Variants in SEC24D observed in about 807,000 individuals in gnomAD.
SEC24D encodes the protein SEC24 homolog D, COPII component.
In SEC24D, 69 loss-of-function variants were observed where a neutral mutation model predicts 116.9. The observed-to-expected ratio is 0.59, with a 90% CI of 0.49 to 0.72. The LOEUF (loss-of-function observed/expected upper bound fraction) is 0.72. SEC24D is among the 30% of genes least tolerant of loss of function. The pLI, the probability that SEC24D is intolerant of heterozygous loss-of-function variation, is 0.00. For synonymous variants in SEC24D, 405 were observed against 442.8 expected, an observed-to-expected ratio of 0.91 and a Z score of 1.07; for missense variants, 1,131 against 1,264.1, an observed-to-expected ratio of 0.89 and a Z score of 1.60.
chr4:118,725,702 CAG>C (rs1725373940), intron 22 of SEC24D, among the ~76,000 whole-genome samples: 1 of 151,740 alleles, frequency 6.6e-6, no homozygotes, highest in Non-Finnish European at 1.5e-5. Flanking sequence ...GTAAGTAGAA[CAG>C]GGAATGAATG....
chr4:118,743,815 G>C (rs1322192602), intron 15 of SEC24D, among the ~76,000 whole-genome samples, 173 bp downstream of exon 15: 3 of 152,212 alleles, frequency 2.0e-5, no homozygotes, highest in Non-Finnish European at 4.4e-5. Flanking sequence ...TTGAAGCCAA[G>C]ATGCAGAACT....
intron 6 of SEC24D, among the ~76,000 whole-genome samples, chr4:118,808,840 G>A (rs969336102): frequency 6.6e-6 from 1 of 152,196 alleles, no homozygotes; most frequent in African/African-American, 2.4e-5. Flanking sequence ...GAGAAAAAAA[G>A]AAAGTGATTA....
chr4:118,815,103 G>A lies in SEC24D; in HGVS notation c.726C>T (p.Phe242=), dbSNP rs529522834. The A allele has an allele frequency of 1.6e-5, 26 of 1,614,092 alleles. No homozygotes were observed. The highest frequency in any genetic ancestry group is 4.0e-5 in the African/African-American group (3 of 75,050). ...CAGCCATCTGTGCAGGACCTCCAGG[G>A]AAGCCTCCTGGGTAAGACAGTTGTG... The part of the protein sequence containing the change: ...AGAQLSYPGG[F]PGGPAQMAGP... Residue 242 remains phenylalanine, a synonymous_variant, in exon 6 of 23, where the codon TTC becomes TTT. Coordinates refer to ENST00000280551, the MANE Select transcript of SEC24D (RefSeq NM_014822.4).
At chr4:118,752,651 C>T in intron 12 of SEC24D, 46 bp downstream of exon 12, 1 of 1,415,460 alleles carries the variant, frequency 7.1e-7, no homozygotes, top group Non-Finnish European at 9.7e-7. Flanking sequence ...CAATTAAAGA[C>T]AAAACACCTG....
At position 118,723,585 on chromosome 4, in the gene SEC24D, AGTCCTTT is replaced by A; in HGVS notation, c.3022_3028del (p.Lys1008PhefsTer25). 6.2e-7 allele frequency: 1 copy of A among 1,614,010 alleles called. No individual in the cohort carries two copies. The highest frequency in any genetic ancestry group is 1.1e-5 in the South Asian group (1 of 91,072). On this transcript the variant is annotated frameshift_variant, in exon 23 of 23. Coordinates refer to ENST00000280551, the MANE Select transcript of SEC24D (RefSeq NM_014822.4). LOFTEE classifies it high-confidence loss of function. ...ATCCACATAAGAAGAGCCTCCGTAA[AGTCCTTT>A]GTCTTCTACCAGGAACTGTCGGAAA...
intron 15 of SEC24D, among the ~76,000 whole-genome samples, chr4:118,742,272 T>C (rs1285448446): frequency 4.0e-5 from 6 of 151,844 alleles, no homozygotes; most frequent in Non-Finnish European, 5.9e-5. Context: ...GTCACTACCA[T>C]GTAGATGATC....
chr4:118,770,290 G>C (rs1408723506), intron 8 of SEC24D, among the ~76,000 whole-genome samples: 1 of 152,148 alleles, frequency 6.6e-6, no homozygotes, highest in African/African-American at 2.4e-5. Flanking sequence ...GCTGGTAATA[G>C]GAAGAAATTA....
At chr4:118,821,493 G>C (rs1730401740) in intron 3 of SEC24D, among the ~76,000 whole-genome samples, 1 of 151,886 alleles carries the variant, frequency 6.6e-6, no homozygotes, top group African/African-American at 2.4e-5. Context: ...AAATCAAAAA[G>C]ACAAATAACT....
At position 118,723,425 on chromosome 4, in the gene SEC24D, C is replaced by T; in HGVS notation, c.*90G>A. On this transcript the variant is annotated 3_prime_UTR_variant, in exon 23 of 23. Coordinates refer to ENST00000280551, the MANE Select transcript of SEC24D (RefSeq NM_014822.4). ...GTTATTCTGAAAATGAGCAAGAAATCAAAACTAGCCTATTATCATCTAGAA... is the reference window on the plus strand; with the variant it reads ...GTTATTCTGAAAATGAGCAAGAAATTAAAACTAGCCTATTATCATCTAGAA... The T allele has an allele frequency of 7.5e-7, 1 of 1,329,818 alleles. No homozygotes were observed. Among genetic ancestry groups the T allele is most frequent in the Non-Finnish European group, 1.0e-6 (1 of 968,270 alleles). The allele number at this position is 1,329,818 out of a possible 1,614,324, so 82.4% of individuals were successfully genotyped here.
intron 10 of SEC24D, chr4:118,760,716 T>A (rs13109368): frequency 0.29 from 43,752 of 151,612 alleles, 7,076 homozygotes; most frequent in Non-Finnish European, 0.37. Context: ...TCAATTTTTT[T>A]TTTGTTTGTT....
chr4:118,797,235 C>A (rs1472371413), intron 8 of SEC24D, among the ~76,000 whole-genome samples: 1 of 152,164 alleles, frequency 6.6e-6, no homozygotes, highest in Non-Finnish European at 1.5e-5. Flanking sequence ...ACTTTCTAAT[C>A]TTTAAGTAGG....
At chr4:118,770,587 C>G (rs74790241) in intron 8 of SEC24D, among the ~76,000 whole-genome samples, 1 of 152,128 alleles carries the variant, frequency 6.6e-6, no homozygotes, top group East Asian at 1.9e-4. Flanking sequence ...CTTTTATTTT[C>G]AAAAAGTCCA....
rs70944808 is a variant in SEC24D at position 118,736,021 on chromosome 4, C to CTTTTTTTTTTTTTTTTTTTT, written c.2496+2220_2496+2239dup. On this transcript the variant is annotated intron_variant, in intron 19 of 22. Transcript: ENST00000280551. The stretch of plus-strand genomic sequence containing the variant: ...ATTTATCTTGTTTCTAGTTATATGT[C>CTTTTTTTTTTTTTTTTTTTT]TTTTTTTTTTTTTTTTTTTTTTTGC... The CTTTTTTTTTTTTTTTTTTTT allele has an allele frequency of 4.1e-5, 3 of 72,816 alleles. 1 individual carries two copies. The highest frequency in any genetic ancestry group is 5.2e-5 in the Non-Finnish European group (2 of 38,438). 4.5% of individuals were successfully genotyped at this position (72,816 alleles called of 1,614,324 possible).
intron 8 of SEC24D, among the ~76,000 whole-genome samples, chr4:118,784,334 T>C (rs1463678116): frequency 6.6e-6 from 1 of 152,200 alleles, no homozygotes; most frequent in African/African-American, 2.4e-5. Flanking sequence ...TAAAAGTTGA[T>C]AAATATGAAA....
chr4:118,764,279 A>G (rs557327864), intron 10 of SEC24D: 1 of 152,362 alleles, frequency 6.6e-6, no homozygotes, highest in African/African-American at 2.4e-5. Flanking sequence ...GGCGTGTCTC[A>G]TGGTGACATT....
At chr4:118,801,340 A>C (rs1479103325) in intron 7 of SEC24D, among the ~76,000 whole-genome samples, 3 of 152,188 alleles carry the variant, frequency 2.0e-5, no homozygotes, top group Non-Finnish European at 4.4e-5. Context: ...CAGTCTGCCC[A>C]AAGTTAGATA....
In SEC24D at chr4:118,815,056, T is replaced by C. The variant is rs1388895150; in HGVS notation, c.773A>G (p.Lys258Arg). Residue 258 changes from lysine (K) to arginine (R), a missense_variant, in exon 6 of 23, where the codon AAG becomes AGG. Physicochemically the swap from Lys to Arg is conservative, Grantham distance 26. Coordinates refer to ENST00000280551, the MANE Select transcript of SEC24D (RefSeq NM_014822.4). ...QMAGPPQPQK[K>R]LDPDSIPSPI... ...GCTAGGGATAGAGTCAGGATCCAGC[T>C]TCTTCTGGGGCTGTGGCGGACCAGC... The C allele has an allele frequency of 6.2e-7, 1 of 1,614,056 alleles. No homozygotes were observed. The highest frequency in any genetic ancestry group is 8.5e-7 in the Non-Finnish European group (1 of 1,180,024).
chr4:118,741,662 T>G (rs546106515), intron 15 of SEC24D, among the ~76,000 whole-genome samples: 2 of 152,286 alleles, frequency 1.3e-5, no homozygotes, highest in Admixed American at 6.5e-5. Context: ...TAGGAAATTC[T>G]CACTACTACT....
intron 7 of SEC24D, among the ~76,000 whole-genome samples, chr4:118,803,119 T>A (rs1028620239): frequency 1.3e-5 from 2 of 152,150 alleles, no homozygotes; most frequent in Admixed American, 6.5e-5. Context: ...TATTGTTTAA[T>A]GGGTACAGAG....
Sources: gnomAD v4.1 joint callset for allele counts (sites outside exome capture counted in the v4.1 genomes callset) on GRCh38, gnomAD v4.1.1 for gene constraint, MANE v1.5 for transcripts, NCBI Gene and HGNC (gene_info 2026-07-23, HGNC 2026-07-21) for gene names.